Variants in FAF1 observed in about 807,000 individuals in gnomAD.
FAF1 encodes the protein FAS-associated factor 1.
Under a neutral mutation model 92.5 loss-of-function variants are expected in FAF1, and 25 were observed. The ratio of observed to expected loss-of-function variants is 0.27; its 90% CI spans 0.20 to 0.38. FAF1 has a LOEUF of 0.38. FAF1 is among the 10% of genes least tolerant of loss of function. The pLI, the probability that FAF1 is intolerant of heterozygous loss-of-function variation, is 1.00. For synonymous variants in FAF1, 234 were observed against 273.2 expected (o/e 0.86, Z 1.42); for missense variants, 636 against 793.3 (o/e 0.80, Z 2.38).
chr1:50,867,572 T>A (rs1644492417), intron 1 of FAF1, among the ~76,000 whole-genome samples: 1 of 151,136 alleles, frequency 6.6e-6, no homozygotes, highest in African/African-American at 2.4e-5. Context: ...CAAAAAAAAA[T>A]GAAAAAATGC....
At chr1:50,710,607 C>CCT (rs1455087505) in intron 6 of FAF1, among the ~76,000 whole-genome samples, 2 of 151,862 alleles carry the variant, frequency 1.3e-5, no homozygotes, top group African/African-American at 2.4e-5. Context: ...ATTTAAAAAC[C>CCT]CTTTTTTTTT....
chr1:50,706,065 G>T, intron 6 of FAF1, 174 bp from the exon 7 acceptor site: 1 of 517,090 alleles, frequency 1.9e-6, no homozygotes, highest in South Asian at 3.4e-5. Context: ...AACAACCAAG[G>T]GGAGCTAACC....
intron 7 of FAF1, among the ~76,000 whole-genome samples, chr1:50,686,010 C>T (rs560734942): frequency 6.6e-6 from 1 of 152,266 alleles, no homozygotes; most frequent in Admixed American, 6.5e-5. Flanking sequence ...AAGTATTCAT[C>T]CCCTGCTCAA....
intron 18 of FAF1, among the ~76,000 whole-genome samples, chr1:50,446,110 A>T (rs1271254094): frequency 6.6e-6 from 1 of 152,042 alleles, no homozygotes; most frequent in Non-Finnish European, 1.5e-5. Flanking sequence ...TGTGGGGGGG[A>T]AGCTCCTTAA....
At chr1:50,648,011 C>A (rs1481383640) in intron 8 of FAF1, among the ~76,000 whole-genome samples, 1 of 152,150 alleles carries the variant, frequency 6.6e-6, no homozygotes, top group Non-Finnish European at 1.5e-5. Flanking sequence ...CCAATCCTGG[C>A]ACTTTGGGAG....
At chr1:50,536,599 T>G (rs933809310) in intron 14 of FAF1, among the ~76,000 whole-genome samples, 1 of 152,196 alleles carries the variant, frequency 6.6e-6, no homozygotes, top group Non-Finnish European at 1.5e-5. Flanking sequence ...AGAAATGATC[T>G]AATTTGTTCA....
chr1:50,777,064 A>G (rs1236233388), intron 4 of FAF1, among the ~76,000 whole-genome samples: 1 of 152,014 alleles, frequency 6.6e-6, no homozygotes, highest in African/African-American at 2.4e-5. Flanking sequence ...GTTCAAGACC[A>G]GTCTGGGCAC....
chr1:50,446,768 T>C (rs1646231971), intron 18 of FAF1, among the ~76,000 whole-genome samples: 2 of 152,194 alleles, frequency 1.3e-5, no homozygotes, highest in African/African-American at 2.4e-5. Flanking sequence ...ATTTCACTTT[T>C]AGAAAAAATG....
intron 9 of FAF1, among the ~76,000 whole-genome samples, chr1:50,594,533 A>G (rs1651693645): frequency 6.8e-6 from 1 of 147,682 alleles, no homozygotes; most frequent in Admixed American, 6.9e-5. Context: ...GTTTGTAGCC[A>G]TGGAACAGAA....
chr1:50,749,264 A>G (rs1467974418), intron 4 of FAF1, among the ~76,000 whole-genome samples: 1 of 152,144 alleles, frequency 6.6e-6, no homozygotes. Flanking sequence ...TCAGAAACCA[A>G]TCTCCAAGAC....
At chr1:50,785,046 A>G (rs1661310091) in intron 4 of FAF1, among the ~76,000 whole-genome samples, 1 of 151,544 alleles carries the variant, frequency 6.6e-6, no homozygotes, top group African/African-American at 2.4e-5. Flanking sequence ...TGTGTGAATT[A>G]AAGACATAAA....
intron 2 of FAF1, among the ~76,000 whole-genome samples, chr1:50,849,117 A>G (rs75348538): frequency 6.6e-6 from 1 of 152,022 alleles, no homozygotes; most frequent in African/African-American, 2.4e-5. Flanking sequence ...ACAAAAAAAA[A>G]TTATCCAGGA....
At chr1:50,757,772 T>G (rs1660137577) in intron 4 of FAF1, among the ~76,000 whole-genome samples, 1 of 152,186 alleles carries the variant, frequency 6.6e-6, no homozygotes, top group South Asian at 2.1e-4. Context: ...GTCTTATTTC[T>G]TTTCTATTGG....
chr1:50,692,149 G>A (rs768214431), intron 7 of FAF1, among the ~76,000 whole-genome samples: 7 of 151,922 alleles, frequency 4.6e-5, no homozygotes, highest in African/African-American at 7.3e-5. Flanking sequence ...CCGGGAGTTC[G>A]AGCATGCAGT....
chr1:50,788,970 T>C (rs1403280210), intron 3 of FAF1, among the ~76,000 whole-genome samples: 1 of 152,144 alleles, frequency 6.6e-6, no homozygotes, highest in African/African-American at 2.4e-5. Context: ...TAGCTGGGAC[T>C]ACACATGCAT....
At chr1:50,909,644 C>T (rs1225779407) in intron 1 of FAF1, among the ~76,000 whole-genome samples, 1 of 152,186 alleles carries the variant, frequency 6.6e-6, no homozygotes, top group Admixed American at 6.5e-5. Context: ...ATCACTGATA[C>T]CCTTTCTTCC....
chr1:50,801,145 A>T (rs577103090), intron 3 of FAF1, among the ~76,000 whole-genome samples: 11 of 152,362 alleles, frequency 7.2e-5, no homozygotes, highest in African/African-American at 2.6e-4. Context: ...ACTTCAAGTA[A>T]AATAGTTCAG....
intron 7 of FAF1, among the ~76,000 whole-genome samples, chr1:50,705,351 A>T (rs953805143): frequency 6.6e-6 from 1 of 152,256 alleles, no homozygotes; most frequent in Non-Finnish European, 1.5e-5. Context: ...CAAGGGCAGG[A>T]TGGAGCTGCT....
rs1454613251 is a variant in FAF1 at position 50,936,219 on chromosome 1, G to A, written c.45+23548C>T. 2.6e-5 allele frequency among the ~76,000 whole-genome samples: 4 copies of A among 152,170 alleles called. No individual in the cohort carries two copies. In the East Asian group the frequency reaches 7.7e-4, roughly 29 times the overall value. ...AACAAGTAACATATACTTCCTGGCT[G>A]TAAAGAACTCACAAATTAGTAAGAA... is the stretch of plus-strand genomic sequence containing the variant. On this transcript the variant is annotated intron_variant, in intron 1 of 18. Transcript: ENST00000396153.
Sources: allele counts gnomAD v4.1 joint callset (sites outside exome capture counted in the v4.1 genomes callset), GRCh38; gene constraint gnomAD v4.1.1; transcripts MANE v1.5; gene names NCBI Gene and HGNC (gene_info 2026-07-23, HGNC 2026-07-21).